The following NAA11 variants were observed in gnomAD, a reference collection of about 807,000 sequenced individuals.
The protein encoded by NAA11 is N-alpha-acetyltransferase 11.
Under a neutral mutation model 16.1 loss-of-function variants are expected in NAA11, and 15 were observed. The observed-to-expected ratio is 0.93, with a 90% CI of 0.62 to 1.44. The LOEUF (loss-of-function observed/expected upper bound fraction) is 1.44. Among genes scored for constraint, NAA11 ranks in the 40% most tolerant of loss-of-function variants. The pLI is 0.00. For missense variants in NAA11, 298 were observed against 291.3 expected (o/e 1.02, Z -0.17); for synonymous variants, 122 against 112.4 (o/e 1.09, Z -0.54).
chr4:79,169,130 C>A, the NAA11 span, among the ~76,000 whole-genome samples: 1 of 152,062 alleles, frequency 6.6e-6, no homozygotes, highest in Non-Finnish European at 1.5e-5. Flanking sequence ...GGAAAAACAT[C>A]CCATTCTCAT....
At chr4:79,214,654 C>G in the NAA11 span, among the ~76,000 whole-genome samples, 6 of 152,064 alleles carry the variant, frequency 3.9e-5, no homozygotes, top group Non-Finnish European at 5.9e-5. Flanking sequence ...AAAAAATTAG[C>G]TGGGCATGGT....
the NAA11 span, among the ~76,000 whole-genome samples, chr4:79,219,344 A>T: frequency 6.6e-6 from 1 of 152,164 alleles, no homozygotes; most frequent in Non-Finnish European, 1.5e-5. Context: ...ACTATAACTG[A>T]CCTAATTGAT....
chr4:79,319,897 T>A (rs1049064923), intron 1 of NAA11, among the ~76,000 whole-genome samples: 6 of 152,196 alleles, frequency 3.9e-5, no homozygotes, highest in Non-Finnish European at 5.9e-5. Flanking sequence ...TTAAGAACAG[T>A]CTATTTCAGT....
intron 2 of NAA11, among the ~76,000 whole-genome samples, chr4:79,241,325 C>T (rs1316767056): frequency 1.3e-5 from 2 of 152,082 alleles, no homozygotes; most frequent in Non-Finnish European, 2.9e-5. Flanking sequence ...ACAAAATATA[C>T]GTTACATAAC....
At chr4:79,169,188 A>G in the NAA11 span, among the ~76,000 whole-genome samples, 1 of 152,226 alleles carries the variant, frequency 6.6e-6, no homozygotes, top group African/African-American at 2.4e-5. Context: ...GCACAAAGTA[A>G]TTTATAGATT....
At chr4:79,215,811 T>C in the NAA11 span, among the ~76,000 whole-genome samples, 1 of 152,194 alleles carries the variant, frequency 6.6e-6, no homozygotes, top group Non-Finnish European at 1.5e-5. Context: ...TCTTATCTCA[T>C]AGAATTATTG....
intron 2 of NAA11, among the ~76,000 whole-genome samples, chr4:79,250,570 G>A (rs895847609): frequency 3.9e-5 from 6 of 152,078 alleles, no homozygotes; most frequent in Non-Finnish European, 7.4e-5. Context: ...CATAGGACCC[G>A]GCAAAGATTT....
At chr4:79,190,247 A>C in the NAA11 span, among the ~76,000 whole-genome samples, 1 of 152,196 alleles carries the variant, frequency 6.6e-6, no homozygotes, top group South Asian at 2.1e-4. Context: ...AAGAAAAAAA[A>C]GGTTCTTAAT....
intron 2 of NAA11, among the ~76,000 whole-genome samples, chr4:79,236,241 T>C (rs1317206640): frequency 6.6e-6 from 1 of 152,158 alleles, no homozygotes; most frequent in African/African-American, 2.4e-5. Context: ...GTTTTTCAGC[T>C]TAAAAATAAG....
chr4:79,193,272 T>C, the NAA11 span, among the ~76,000 whole-genome samples: 1 of 152,230 alleles, frequency 6.6e-6, no homozygotes, highest in Non-Finnish European at 1.5e-5. Context: ...CCATTGCTTT[T>C]GGTGTTTTTG....
At chr4:79,248,297 C>A (rs558229800) in intron 2 of NAA11, among the ~76,000 whole-genome samples, 2 of 152,230 alleles carry the variant, frequency 1.3e-5, no homozygotes, top group African/African-American at 4.8e-5. Context: ...ACTGCAACCT[C>A]CCCCATACTG....
At chr4:79,239,099 A>G (rs1243125091) in intron 2 of NAA11, among the ~76,000 whole-genome samples, 3 of 152,212 alleles carry the variant, frequency 2.0e-5, no homozygotes, top group South Asian at 4.1e-4. Context: ...AAAGGTGACA[A>G]TGACAGCTGG....
In NAA11 at chr4:79,275,495, TAAGGCAA is replaced by T. The variant is rs1722627256; in HGVS notation, c.*122+18503_*122+18509del. Among the ~76,000 whole-genome samples, 3 of 152,088 alleles carry T rather than the reference TAAGGCAA, an allele frequency of 2.0e-5. No individual in the cohort carries two copies. The South Asian group carries it at 6.2e-4, about 31-fold the overall frequency. The stretch of plus-strand genomic sequence containing the variant: ...ACCAGACCTAGACCTTGTCCTGAAG[TAAGGCAA>T]CATTTTCACTCACTCATTCAAAAAA... On this transcript the variant is annotated intron_variant and NMD_transcript_variant, in intron 2 of 2. Transcript: ENST00000511542.
chr4:79,265,388 C>T (rs1301763540), intron 2 of NAA11, among the ~76,000 whole-genome samples: 5 of 152,142 alleles, frequency 3.3e-5, no homozygotes, highest in African/African-American at 1.2e-4. Flanking sequence ...ACAAGTTAGT[C>T]CTCTGTTCAA....
intron 2 of NAA11, among the ~76,000 whole-genome samples, chr4:79,272,458 A>G (rs1560439483): frequency 6.6e-6 from 1 of 152,076 alleles, no homozygotes; most frequent in Non-Finnish European, 1.5e-5. Flanking sequence ...AAAATATGTA[A>G]TAGCTTGTTT....
chr4:79,325,564 T>C lies in NAA11; in HGVS notation c.314A>G (p.Lys105Arg). The change falls in exon 1 of 2, where the codon AAA becomes AGA. Residue 105 changes from lysine to arginine, a missense_variant. Lys to Arg is a conservative substitution (Grantham distance 26). Transcript: ENST00000286794. The part of the protein sequence containing the change: ...SRAMIENFNA[K>R]YVSLHVRKSN... ...CTTCCTGACGTGCAGAGACACGTAT[T>C]TGGCGTTAAAGTTCTCTATCATGGC... 1 of 1,614,086 alleles carries C rather than the reference T, an allele frequency of 6.2e-7. No homozygotes were observed. The highest frequency in any genetic ancestry group is 8.5e-7 in the Non-Finnish European group (1 of 1,179,970).
downstream of NAA11, among the ~76,000 whole-genome samples, chr4:79,316,483 T>C (rs1165383283): frequency 6.6e-6 from 1 of 151,922 alleles, no homozygotes; most frequent in Admixed American, 6.6e-5. Flanking sequence ...GCAGGGCTAA[T>C]TACGATTACA....
chr4:79,175,024 C>G, the NAA11 span, among the ~76,000 whole-genome samples: 1 of 152,034 alleles, frequency 6.6e-6, no homozygotes, highest in Non-Finnish European at 1.5e-5. Context: ...GCAGATAATC[C>G]TCTGAGTGTC....
chr4:79,195,159 G>T, the NAA11 span, among the ~76,000 whole-genome samples: 2 of 152,068 alleles, frequency 1.3e-5, no homozygotes, highest in Non-Finnish European at 2.9e-5. Context: ...ATGTTAATGG[G>T]CAATTAGCTA....
Sources: gnomAD v4.1 joint callset for allele counts (sites outside exome capture counted in the v4.1 genomes callset) on GRCh38, gnomAD v4.1.1 for gene constraint, MANE v1.5 for transcripts, NCBI Gene and HGNC (gene_info 2026-07-23, HGNC 2026-07-21) for gene names.